The following EML5 variants were observed in gnomAD, a reference collection of about 807,000 sequenced individuals.
EML5 encodes echinoderm microtubule-associated protein-like 5.
Under a neutral mutation model 250.0 loss-of-function variants are expected in EML5, and 120 were observed. The observed-to-expected ratio is 0.48, with a 90% CI of 0.41 to 0.56. The LOEUF (loss-of-function observed/expected upper bound fraction) is 0.56. EML5 is among the 20% of genes least tolerant of loss of function. The pLI is 0.00. For synonymous variants in EML5, 771 were observed against 806.5 expected (o/e 0.96, Z 0.75); for missense variants, 2,006 against 2,437.6 (o/e 0.82, Z 3.73).
intron 7 of EML5, among the ~76,000 whole-genome samples, chr14:88,733,350 T>G (rs2093789597): frequency 1.3e-5 from 2 of 152,258 alleles, no homozygotes; most frequent in Non-Finnish European, 2.9e-5. Context: ...ATGCCCATTT[T>G]CTTTCACAAA....
intron 27 of EML5, among the ~76,000 whole-genome samples, chr14:88,651,935 T>C (rs943710326): frequency 6.6e-6 from 1 of 152,158 alleles, no homozygotes; most frequent in African/African-American, 2.4e-5. Flanking sequence ...TACCATAAGT[T>C]AGGGATTATA....
intron 17 of EML5, among the ~76,000 whole-genome samples, chr14:88,690,935 T>A (rs549061268): frequency 1.3e-5 from 2 of 152,170 alleles, no homozygotes; most frequent in Admixed American, 1.3e-4. Context: ...TTGTACAATG[T>A]CCACTAGAGC....
intron 29 of EML5, among the ~76,000 whole-genome samples, chr14:88,645,052 AGTTTC>A (rs1241871111): frequency 4.8e-5 from 6 of 126,072 alleles, no homozygotes; most frequent in Non-Finnish European, 1.2e-4. Flanking sequence ...TTTTAGACCA[AGTTTC>A]ACTTTGTCAC....
intron 1 of EML5, among the ~76,000 whole-genome samples, chr14:88,766,707 T>C (rs774181311): frequency 2.0e-5 from 3 of 152,170 alleles, no homozygotes; most frequent in Non-Finnish European, 4.4e-5. Flanking sequence ...ACCCTATTCG[T>C]ACACTCCCTC....
chr14:88,764,535 T>C (rs1463878525), intron 1 of EML5, among the ~76,000 whole-genome samples: 1 of 152,182 alleles, frequency 6.6e-6, no homozygotes. Context: ...ATCTGATCCT[T>C]TTCAAAGAAC....
intron 13 of EML5, among the ~76,000 whole-genome samples, chr14:88,704,201 G>T (rs1037927810): frequency 6.6e-6 from 1 of 152,102 alleles, no homozygotes; most frequent in African/African-American, 2.4e-5. Flanking sequence ...GTTCTCTCTT[G>T]ATTAGTTCAT....
intron 14 of EML5, among the ~76,000 whole-genome samples, chr14:88,701,885 G>C (rs2093218215): frequency 1.3e-5 from 2 of 152,096 alleles, no homozygotes; most frequent in Admixed American, 6.5e-5. Flanking sequence ...TAATAAACTA[G>C]TAAAGTACTT....
intron 2 of EML5, among the ~76,000 whole-genome samples, chr14:88,750,473 A>G (rs868648109): frequency 1.3e-5 from 2 of 152,142 alleles, no homozygotes; most frequent in Non-Finnish European, 2.9e-5. Context: ...GAAAATTGAC[A>G]TATGTACTAC....
chr14:88,777,696 G>A (rs970146724), intron 1 of EML5, among the ~76,000 whole-genome samples: 2 of 152,196 alleles, frequency 1.3e-5, no homozygotes, highest in Non-Finnish European at 2.9e-5. Flanking sequence ...AGGAGGATGG[G>A]CCGGGCACAG....
At chr14:88,725,832 G>C (rs1373256660) in intron 8 of EML5, among the ~76,000 whole-genome samples, 2 of 152,142 alleles carry the variant, frequency 1.3e-5, no homozygotes, top group Non-Finnish European at 2.9e-5. Context: ...AGATTAATAT[G>C]AGAGCTATCT....
In EML5 at chr14:88,706,377, G is replaced by C. The variant is rs548930375; in HGVS notation, c.1707C>G (p.Val569=). ...YIGHSAHVTN[V]RWSHDYQWVI... is the part of the protein sequence containing the mutation. ...CCCACTGATAATCATGTGACCATCT[G>C]ACATTAGTTACGTGAGCTGAATGGC... The change falls in exon 11 of 44, where the codon GTC becomes GTG. Residue 569 remains valine, a synonymous_variant. Coordinates refer to ENST00000554922, the MANE Select transcript of EML5 (RefSeq NM_183387.3). The C allele has an allele frequency of 5.6e-6, 9 of 1,608,472 alleles. No individual in the cohort carries two copies. The South Asian group carries it at 8.9e-5, about 16-fold the overall frequency.
intron 8 of EML5, among the ~76,000 whole-genome samples, chr14:88,718,117 C>T (rs2093530612): frequency 6.6e-6 from 1 of 152,088 alleles, no homozygotes; most frequent in Admixed American, 6.6e-5. Context: ...ATAATGGTGC[C>T]ATTAACTAGG....
rs372171487 is a variant in EML5 at position 88,613,621 on chromosome 14, G to A, written c.*2197C>T. 2.6e-5 allele frequency: 4 copies of A among 152,176 alleles called. No individual in the cohort carries two copies. The highest frequency in any genetic ancestry group is 3.9e-4 in the East Asian group (2 of 5,164). The allele number at this position is 152,176 out of a possible 1,614,324, so 9.4% of individuals were successfully genotyped here. ...GTTGACCATAAAACATTTGTTGGATGACGTGGTTTAAAATGATCACCACAA... is the reference window on the plus strand; with the variant it reads ...GTTGACCATAAAACATTTGTTGGATAACGTGGTTTAAAATGATCACCACAA... On this transcript the variant is annotated 3_prime_UTR_variant, in exon 44 of 44. Coordinates refer to ENST00000554922, the MANE Select transcript of EML5 (RefSeq NM_183387.3).
chr14:88,627,876 C>A (rs937565925), intron 33 of EML5, 57 bp from the exon 34 acceptor site: 3 of 1,473,442 alleles, frequency 2.0e-6, no homozygotes, highest in Non-Finnish European at 2.7e-6. Context: ...ATTTCTGTTT[C>A]TAAAGCTTAT....
intron 17 of EML5, among the ~76,000 whole-genome samples, chr14:88,690,777 A>C (rs149692787): frequency 6.6e-6 from 1 of 152,232 alleles, no homozygotes; most frequent in Non-Finnish European, 1.5e-5. Context: ...GAGAAAGGGT[A>C]GAAGAGTTAG....
chr14:88,662,973 A>G, intron 24 of EML5, 58 bp downstream of exon 24: 2 of 1,259,426 alleles, frequency 1.6e-6, no homozygotes, highest in South Asian at 2.8e-5. Context: ...AGTAGGTATC[A>G]GTTTTCTAGC....
chr14:88,684,896 A>C lies in EML5; in HGVS notation c.2982+119T>G, dbSNP rs1488293356. On this transcript the variant is annotated intron_variant, in intron 20 of 43. Coordinates refer to ENST00000554922, the MANE Select transcript of EML5 (RefSeq NM_183387.3). The stretch of plus-strand genomic sequence containing the variant: ...TACATTAAATTTTTTTTCTGTATAC[A>C]TTAACAAATATTTCCCTAATTTAAC... The C allele has an allele frequency of 4.3e-6, 4 of 938,382 alleles. No homozygotes were observed. In the African/African-American group the frequency reaches 5.1e-5, roughly 12 times the overall value. 58.1% of individuals were successfully genotyped at this position (938,382 alleles called of 1,614,324 possible).
At chr14:88,752,303 T>C (rs1347781705) in intron 2 of EML5, among the ~76,000 whole-genome samples, 1 of 152,218 alleles carries the variant, frequency 6.6e-6, no homozygotes, top group African/African-American at 2.4e-5. Flanking sequence ...ATGCTTATAA[T>C]TAAAATGGCT....
intron 31 of EML5, among the ~76,000 whole-genome samples, chr14:88,640,071 A>C (rs191955508): frequency 2.0e-5 from 3 of 152,306 alleles, no homozygotes; most frequent in African/African-American, 4.8e-5. Flanking sequence ...GAAACCATGA[A>C]TACTACTAGG....
Sources: allele counts gnomAD v4.1 joint callset (sites outside exome capture counted in the v4.1 genomes callset), GRCh38; gene constraint gnomAD v4.1.1; transcripts MANE v1.5; gene names NCBI Gene and HGNC (gene_info 2026-07-23, HGNC 2026-07-21).